The following BMP5 variants were observed in gnomAD, a reference collection of about 807,000 sequenced individuals.
BMP5 encodes bone morphogenetic protein 5.
A neutral mutation model predicts 46.6 loss-of-function variants in BMP5; 23 were observed. The observed-to-expected ratio is 0.49, with a 90% CI of 0.35 to 0.70. The LOEUF is 0.70. Ranked by LOEUF, BMP5 falls within the 30% of genes least tolerant of loss-of-function variation. The pLI, the probability that BMP5 is intolerant of heterozygous loss-of-function variation, is 0.00. For synonymous variants in BMP5, 204 were observed against 191.9 expected (o/e 1.06, Z -0.52); for missense variants, 545 against 565.6 (o/e 0.96, Z 0.37).
At chr6:55,866,951 G>GT (rs763425715) in intron 1 of BMP5, among the ~76,000 whole-genome samples, 13 of 152,088 alleles carry the variant, frequency 8.5e-5, no homozygotes, top group Non-Finnish European at 1.6e-4. Context: ...ATATATATCA[G>GT]TAACTTGCAC....
chr6:55,869,473 C>G (rs939660278), intron 1 of BMP5, among the ~76,000 whole-genome samples: 1 of 151,220 alleles, frequency 6.6e-6, no homozygotes, highest in Non-Finnish European at 1.5e-5. Flanking sequence ...CTCATTATCT[C>G]TTTTCAAAAA....
At chr6:55,780,924 A>G (rs1775301576) in intron 3 of BMP5, among the ~76,000 whole-genome samples, 1 of 152,020 alleles carries the variant, frequency 6.6e-6, no homozygotes. Context: ...GAAAATGATT[A>G]GTTTCCTTCC....
intron 2 of BMP5, among the ~76,000 whole-genome samples, chr6:55,818,636 A>C (rs2127538107): frequency 6.6e-6 from 1 of 152,282 alleles, no homozygotes. Flanking sequence ...AATAGACATG[A>C]CCTCAGAAGC....
chr6:55,815,359 G>T (rs1374466253), intron 2 of BMP5, among the ~76,000 whole-genome samples: 1 of 152,104 alleles, frequency 6.6e-6, no homozygotes, highest in African/African-American at 2.4e-5. Flanking sequence ...ACTGAATTAA[G>T]ATTGAATTGA....
chr6:55,778,878 C>A (rs1005593479), intron 3 of BMP5, among the ~76,000 whole-genome samples: 2 of 151,938 alleles, frequency 1.3e-5, no homozygotes, highest in African/African-American at 4.8e-5. Flanking sequence ...CTACTCTAAC[C>A]CAAATGACTT....
At chr6:55,827,891 C>A (rs1776569305) in intron 1 of BMP5, among the ~76,000 whole-genome samples, 1 of 151,752 alleles carries the variant, frequency 6.6e-6, no homozygotes, top group South Asian at 2.1e-4. Flanking sequence ...TTACCTGTAA[C>A]AACTTAAAAT....
intron 3 of BMP5, among the ~76,000 whole-genome samples, chr6:55,785,458 T>C (rs1286814710): frequency 1.3e-5 from 2 of 151,768 alleles, no homozygotes; most frequent in Non-Finnish European, 3.0e-5. Context: ...GACAAAAAAC[T>C]AAAGCATACA....
chr6:55,793,068 T>C (rs968055220), intron 3 of BMP5, among the ~76,000 whole-genome samples: 1 of 152,134 alleles, frequency 6.6e-6, no homozygotes, highest in African/African-American at 2.4e-5. Flanking sequence ...ACCATTAAAT[T>C]ATGTCTTATC....
In BMP5 at chr6:55,865,851, G is replaced by GAAAT. The variant is rs144512847; in HGVS notation, c.490+8521_490+8524dup. On this transcript the variant is annotated intron_variant, in intron 1 of 6. Transcript: ENST00000370830. Reference sequence around the variant, plus strand: ...GTATTATGAGCTCCACTTAGATGAGGAAATAGTTTCAACGAAGTGAAATGG... The same window carrying GAAAT: ...GTATTATGAGCTCCACTTAGATGAGGAAATAAATAGTTTCAACGAAGTGAAATGG... 6.2e-3 allele frequency among the ~76,000 whole-genome samples: 938 copies of GAAAT among 152,182 alleles called. 13 individuals are homozygous for GAAAT. The highest frequency in any genetic ancestry group is 0.022 in the African/African-American group (910 of 41,532).
chr6:55,813,261 C>T (rs1479974743), intron 2 of BMP5, among the ~76,000 whole-genome samples: 2 of 152,052 alleles, frequency 1.3e-5, no homozygotes, highest in African/African-American at 2.4e-5. Flanking sequence ...TAATTATTCA[C>T]ATTGCTGTTT....
intron 2 of BMP5, among the ~76,000 whole-genome samples, chr6:55,807,967 G>T (rs1055697652): frequency 6.6e-6 from 1 of 152,322 alleles, no homozygotes; most frequent in Non-Finnish European, 1.5e-5. Flanking sequence ...GGCATGGGGA[G>T]CAGGACCAGT....
intron 1 of BMP5, chr6:55,865,403 G>T: frequency 2.0e-6 from 1 of 505,846 alleles, no homozygotes; most frequent in Non-Finnish European, 3.9e-6. Flanking sequence ...CTAGGACTCT[G>T]ACCAAAGGTA....
intron 3 of BMP5, among the ~76,000 whole-genome samples, chr6:55,782,109 C>T (rs1775333392): frequency 6.6e-6 from 1 of 152,040 alleles, no homozygotes; most frequent in Admixed American, 6.6e-5. Context: ...ATAGTAACTA[C>T]TTCTGCAGGA....
intron 3 of BMP5, among the ~76,000 whole-genome samples, chr6:55,778,285 C>A (rs934247249): frequency 6.6e-6 from 1 of 151,926 alleles, no homozygotes; most frequent in African/African-American, 2.4e-5. Context: ...TTGCTGGAAG[C>A]TGTTCAAGCT....
At chr6:55,786,329 G>A (rs1038194202) in intron 3 of BMP5, among the ~76,000 whole-genome samples, 3 of 151,674 alleles carry the variant, frequency 2.0e-5, no homozygotes, top group Non-Finnish European at 4.4e-5. Flanking sequence ...AAGGTTGTAA[G>A]TGACTGTAGA....
intron 3 of BMP5, among the ~76,000 whole-genome samples, chr6:55,783,562 A>G (rs1775376842): frequency 6.6e-6 from 1 of 152,066 alleles, no homozygotes; most frequent in Admixed American, 6.6e-5. Flanking sequence ...CTAGTTTTGC[A>G]ATATATCTTT....
chr6:55,810,434 G>T (rs1023499228), intron 2 of BMP5, among the ~76,000 whole-genome samples: 1 of 152,094 alleles, frequency 6.6e-6, no homozygotes, highest in Non-Finnish European at 1.5e-5. Context: ...ATATTTAGTA[G>T]GTTTCCTGGC....
At chr6:55,786,965 G>A (rs1775465478) in intron 3 of BMP5, among the ~76,000 whole-genome samples, 1 of 151,650 alleles carries the variant, frequency 6.6e-6, no homozygotes, top group South Asian at 2.1e-4. Context: ...AAGATCCTCA[G>A]ATAAGTGGAC....
At chr6:55,864,134 A>C (rs2127554473) in intron 1 of BMP5, among the ~76,000 whole-genome samples, 1 of 152,252 alleles carries the variant, frequency 6.6e-6, no homozygotes, top group South Asian at 2.1e-4. Flanking sequence ...AAAGAGAAAA[A>C]CCTTAAATGG....
Sources: gnomAD v4.1 joint callset for allele counts (sites outside exome capture counted in the v4.1 genomes callset) on GRCh38, gnomAD v4.1.1 for gene constraint, MANE v1.5 for transcripts, NCBI Gene and HGNC (gene_info 2026-07-23, HGNC 2026-07-21) for gene names.